Variants in SGSM3 observed in about 807,000 individuals in gnomAD.
SGSM3 encodes small G protein signaling modulator 3, also known as RUN and SH3 containing 3.
SGSM3 carries 96 observed loss-of-function variants against 100.5 expected under a neutral mutation model. That is an observed-to-expected ratio of 0.96 (90% CI 0.81 to 1.13). The LOEUF is 1.13. Among genes scored for constraint, SGSM3 ranks in the 50% most tolerant of loss-of-function variants. The pLI, the probability that SGSM3 is intolerant of heterozygous loss-of-function variation, is 0.00. For synonymous variants in SGSM3, 483 were observed against 422.8 expected, an observed-to-expected ratio of 1.14 and a Z score of -1.75; for missense variants, 1,001 against 1,015.8, an observed-to-expected ratio of 0.99 and a Z score of 0.20.
chr22:40,391,184 C>T (rs757123917), intron 1 of SGSM3, among the ~76,000 whole-genome samples: 10 of 152,260 alleles, frequency 6.6e-5, no homozygotes, highest in African/African-American at 1.4e-4. Context: ...CAAAAGCATC[C>T]GCATCACCTG....
At position 40,405,218 on chromosome 22, in the gene SGSM3, G is replaced by A. The variant is rs763091425; in HGVS notation, c.552G>A (p.Leu184=). The A allele has an allele frequency of 1.6e-5, 25 of 1,584,270 alleles. No individual in the cohort carries two copies. The highest frequency in any genetic ancestry group is 7.1e-5 in the Admixed American group (4 of 56,350). The change falls in exon 7 of 22, where the codon CTG becomes CTA. Residue 184 remains leucine (L), a synonymous_variant. Coordinates refer to ENST00000248929, the MANE Select transcript of SGSM3 (RefSeq NM_015705.6). ...TGGGTAGCATCGGGGTGCCCCGCCT[G>A]CGCAGGGTGCTCCGGGCCCTGGCCT... The part of the protein sequence containing the change: ...ASMGSIGVPR[L]RRVLRALAWL...
chr22:40,408,975 C>T lies in SGSM3; in HGVS notation c.1945C>T (p.Gln649Ter). 6 of 1,596,124 alleles carry T rather than the reference C, an allele frequency of 3.8e-6. No individual in the cohort carries two copies. Among genetic ancestry groups the T allele is most frequent in the Non-Finnish European group, 5.1e-6 (6 of 1,171,164 alleles). Reference sequence around the variant, plus strand: ...CGTGACCCACGATGCAGTGCATGCACAAATGGATGTGAAGCTCCGCTCACT... The same window carrying T: ...CGTGACCCACGATGCAGTGCATGCATAAATGGATGTGAAGCTCCGCTCACT... ...VNVTHDAVHA[Q>*]MDVKLRSLIC... is the part of the protein sequence containing the mutation. The change falls in exon 19 of 22, where the codon CAA (glutamine) becomes TAA (stop). Residue 649 changes from glutamine (Q) to a stop codon, truncating the protein, a stop_gained. Coordinates refer to ENST00000248929, the MANE Select transcript of SGSM3 (RefSeq NM_015705.6). LOFTEE classifies it high-confidence loss of function.
In SGSM3 at chr22:40,397,968, C is replaced by CTTTTT. The variant is rs1157147821; in HGVS notation, c.-111-2710_-111-2706dup. 5.7e-4 allele frequency among the ~76,000 whole-genome samples: 66 copies of CTTTTT among 116,420 alleles called. 1 individual carries two copies. The highest frequency in any genetic ancestry group is 8.4e-4 in the African/African-American group (23 of 27,484). The allele number at this position is 116,420 out of a possible 152,430, so 76.4% of individuals were successfully genotyped here. A position where few individuals can be genotyped will look rare whatever the true frequency, so the allele number is the denominator to read the frequency against. ...TTCTGTGTTTATCATCCAATTCTGT[C>CTTTTT]TTTTTTTTTTTTTTTTTTTTTTGAG... is the stretch of plus-strand genomic sequence containing the variant. On this transcript the variant is annotated intron_variant, in intron 1 of 21. Coordinates refer to ENST00000248929, the MANE Select transcript of SGSM3 (RefSeq NM_015705.6).
At chr22:40,404,213 G>T (rs1365847675) in intron 4 of SGSM3, 34 bp from the exon 5 acceptor site, 1 of 1,494,568 alleles carries the variant, frequency 6.7e-7, no homozygotes, top group Middle Eastern at 1.8e-4. Context: ...AGTAGAGAAT[G>T]CTTTTTCTTT....
chr22:40,398,505 T>C lies in SGSM3; in HGVS notation c.-111-2191T>C, dbSNP rs576554456. 2.7e-4 allele frequency among the ~76,000 whole-genome samples: 38 copies of C among 141,488 alleles called. 8 individuals are homozygous for C. In the South Asian group the frequency reaches 8.4e-3, roughly 31 times the overall value. 92.8% of individuals were successfully genotyped at this position (141,488 alleles called of 152,430 possible). ...TGCTACAAGCAGCCTGCAGGTGCTC[T>C]GTCACACTTTTACTCTGCCCTTTCA... On this transcript the variant is annotated intron_variant, in intron 1 of 21. Coordinates refer to ENST00000248929, the MANE Select transcript of SGSM3 (RefSeq NM_015705.6).
chr22:40,384,381 C>G (rs745490668), intron 1 of SGSM3, among the ~76,000 whole-genome samples: 1 of 152,132 alleles, frequency 6.6e-6, no homozygotes, highest in Non-Finnish European at 1.5e-5. Flanking sequence ...TCAGGAAACA[C>G]AGATTTTAAG....
intron 1 of SGSM3, among the ~76,000 whole-genome samples, chr22:40,384,690 G>A (rs1238929135): frequency 6.6e-6 from 1 of 152,174 alleles, no homozygotes; most frequent in Non-Finnish European, 1.5e-5. Context: ...TAAGGCGGGA[G>A]AATGGGCATG....
chr22:40,409,067 A>C (rs1272535914), intron 19 of SGSM3, 49 bp downstream of exon 19: 5 of 1,552,632 alleles, frequency 3.2e-6, no homozygotes. Context: ...GGGGGGACCC[A>C]GCCCAGCATC....
At chr22:40,373,218 TTGTC>T (rs2045918731) in intron 1 of SGSM3, 1 of 152,226 alleles carries the variant, frequency 6.6e-6, no homozygotes, top group Non-Finnish European at 1.5e-5. Flanking sequence ...CTCTGCTCTT[TTGTC>T]TGTGCTGTAC....
At chr22:40,380,429 C>G (rs1601768272) in intron 1 of SGSM3, among the ~76,000 whole-genome samples, 1 of 149,628 alleles carries the variant, frequency 6.7e-6, no homozygotes, top group Middle Eastern at 3.5e-3. Flanking sequence ...TGCAGTGGCA[C>G]TATCTCAGCT....
At position 40,404,549 on chromosome 22, in the gene SGSM3, T is replaced by A. The variant is rs761381557; in HGVS notation, c.367-8T>A. 1 of 1,613,140 alleles carries A rather than the reference T, an allele frequency of 6.2e-7. No individual in the cohort carries two copies. Among genetic ancestry groups the A allele is most frequent in the South Asian group, 1.1e-5 (1 of 90,992 alleles). Reference sequence around the variant, plus strand: ...AGACTGAGTGCCCTTGCGGCTCCCTTCCCTCAGCTGTGGATGCGGCTCTCT... The same window carrying A: ...AGACTGAGTGCCCTTGCGGCTCCCTACCCTCAGCTGTGGATGCGGCTCTCT... On this transcript the variant is annotated splice_region_variant and splice_polypyrimidine_tract_variant and intron_variant, in intron 5 of 21. Coordinates refer to ENST00000248929, the MANE Select transcript of SGSM3 (RefSeq NM_015705.6).
At chr22:40,397,286 G>T (rs777592417) in intron 1 of SGSM3, among the ~76,000 whole-genome samples, 2 of 152,148 alleles carry the variant, frequency 1.3e-5, no homozygotes, top group Non-Finnish European at 2.9e-5. Context: ...CCAGAATCTG[G>T]CTGGGTGTGG....
At chr22:40,375,561 CAA>C (rs1406523705) in intron 1 of SGSM3, among the ~76,000 whole-genome samples, 2 of 146,390 alleles carry the variant, frequency 1.4e-5, no homozygotes, top group Non-Finnish European at 3.0e-5. Context: ...GCCTGGGTGA[CAA>C]GAGTGAAACT....
At chr22:40,388,961 T>C (rs191207193) in intron 1 of SGSM3, among the ~76,000 whole-genome samples, 1 of 152,194 alleles carries the variant, frequency 6.6e-6, no homozygotes, top group Admixed American at 6.5e-5. Context: ...TCGAAGAATA[T>C]GGAGGAGCTG....
rs774887459 is a variant in SGSM3, at chr22:40,405,776, G to A, written c.746G>A (p.Arg249Gln). ...TTLLGVQTDQ[R>Q]VLRHLIVQYL... ...CTGCTGGGTGTCCAGACTGACCAGC[G>A]GGTCCTGCGCCACCTCATTGTCCAG... Residue 249 changes from arginine to glutamine, a missense_variant, in exon 8 of 22, where the codon CGG becomes CAG. By Grantham distance (43) the Arg-to-Gln change is conservative. Transcript: ENST00000248929. The A allele has an allele frequency of 5.0e-6, 8 of 1,613,644 alleles. No individual in the cohort carries two copies. Among genetic ancestry groups the A allele is most frequent in the Non-Finnish European group, 6.8e-6 (8 of 1,179,956 alleles).
In SGSM3 at chr22:40,407,311, C is replaced by G. The variant is rs777532445; in HGVS notation, c.1351C>G (p.Pro451Ala). Reference sequence around the variant, plus strand: ...GGCACGCCACTTCCAGTGCACAGACCCCAAAAACTGCAGCGTGGTGAGTCG... The same window carrying G: ...GGCACGCCACTTCCAGTGCACAGACGCCAAAAACTGCAGCGTGGTGAGTCG... ...RVARHFQCTD[P>A]KNCSVELTPD... Residue 451 changes from proline (P) to alanine (A), a missense_variant, in exon 12 of 22, where the codon CCC (proline) becomes GCC (alanine). By Grantham distance (27) the Pro-to-Ala change is conservative. Transcript: ENST00000248929. The surrounding 1 kb of genome is among the most constrained non-coding windows in gnomAD (Gnocchi z 4.7). 1 of 1,613,566 alleles carries G rather than the reference C, an allele frequency of 6.2e-7. No homozygotes were observed.
At chr22:40,374,804 C>T (rs1187847968) in intron 1 of SGSM3, among the ~76,000 whole-genome samples, 2 of 152,180 alleles carry the variant, frequency 1.3e-5, no homozygotes, top group Non-Finnish European at 2.9e-5. Context: ...TGCTTGGGCT[C>T]AGCTCAGGAG....
intron 1 of SGSM3, among the ~76,000 whole-genome samples, chr22:40,375,888 A>G (rs2046470002): frequency 6.6e-6 from 1 of 151,966 alleles, no homozygotes; most frequent in South Asian, 2.1e-4. Flanking sequence ...AAAATTTCTA[A>G]AAATTAACCA....
At position 40,408,826 on chromosome 22, in the gene SGSM3, A is replaced by G. The variant is rs758704451; in HGVS notation, c.1886A>G (p.Glu629Gly). The part of the protein sequence containing the change: ...LDEDGKVLTP[E>G]ELLYRAVQSV... ...GAAGATGGCAAAGTCCTGACCCCGG[A>G]GGAGCTGCTCTACCGGGTAAGGGGG... is the stretch of plus-strand genomic sequence containing the variant. The change falls in exon 18 of 22, where the codon GAG (glutamate) becomes GGG (glycine). Residue 629 changes from glutamate to glycine, a missense_variant. By Grantham distance (98) the Glu-to-Gly change is moderately conservative. Coordinates refer to ENST00000248929, the MANE Select transcript of SGSM3 (RefSeq NM_015705.6). The G allele has an allele frequency of 1.7e-5, 28 of 1,613,606 alleles. No homozygotes were observed. Among genetic ancestry groups the G allele is most frequent in the Non-Finnish European group, 2.3e-5 (27 of 1,179,994 alleles).
Sources: allele counts gnomAD v4.1 joint callset (sites outside exome capture counted in the v4.1 genomes callset), GRCh38; gene constraint gnomAD v4.1.1; non-coding constraint Gnocchi (gnomAD v3.1); transcripts MANE v1.5; gene names NCBI Gene and HGNC (gene_info 2026-07-23, HGNC 2026-07-21).